Variants in HMGCLL1 observed in about 807,000 individuals in gnomAD.
The protein encoded by HMGCLL1 is 3-hydroxymethyl-3-methylglutaryl-CoA lyase, cytoplasmic.
A neutral mutation model predicts 39.1 loss-of-function variants in HMGCLL1; 36 were observed. That is an observed-to-expected ratio of 0.92 (90% CI 0.71 to 1.22). The LOEUF (loss-of-function observed/expected upper bound fraction) is 1.22, where lower values mean the gene tolerates loss of function less well. HMGCLL1 is among the 50% of genes most tolerant of loss of function. HMGCLL1 has a pLI of 0.00. For missense variants in HMGCLL1, 451 were observed against 416.5 expected (o/e 1.08, Z -0.72); for synonymous variants, 149 against 144.0 (o/e 1.03, Z -0.25).
chr6:55,493,776 A>G (rs1275732000), intron 7 of HMGCLL1, among the ~76,000 whole-genome samples: 1 of 151,394 alleles, frequency 6.6e-6, no homozygotes, highest in East Asian at 1.9e-4. Flanking sequence ...TCTGTCGCCC[A>G]GGCTGCAGTG....
chr6:55,580,299 A>T (rs924456140), upstream of HMGCLL1, among the ~76,000 whole-genome samples: 1 of 151,970 alleles, frequency 6.6e-6, no homozygotes, highest in Non-Finnish European at 1.5e-5. Context: ...TGGAAGAGAA[A>T]TCGTGTAGAT....
the HMGCLL1 span, among the ~76,000 whole-genome samples, chr6:55,610,002 A>C: frequency 6.6e-6 from 1 of 152,226 alleles, no homozygotes; most frequent in Non-Finnish European, 1.5e-5. Context: ...AACCAAAAAA[A>C]GTCTTCACAA....
intron 1 of HMGCLL1, among the ~76,000 whole-genome samples, chr6:55,543,452 G>A (rs74207406): frequency 0.71 from 59,767 of 84,294 alleles, 20,053 homozygotes; most frequent in Admixed American, 0.78. Flanking sequence ...TGATATATAT[G>A]ATATATATCA....
chr6:55,608,342 GATGA>G, the HMGCLL1 span, among the ~76,000 whole-genome samples: 1 of 152,140 alleles, frequency 6.6e-6, no homozygotes, highest in East Asian at 1.9e-4. Context: ...GAGTTTACAG[GATGA>G]ATAAGTCAGT....
At chr6:55,661,914 T>C in the HMGCLL1 span, among the ~76,000 whole-genome samples, 1 of 152,086 alleles carries the variant, frequency 6.6e-6, no homozygotes, top group East Asian at 1.9e-4. Flanking sequence ...TAGTTCTCCT[T>C]GTAGAGCTCT....
At position 55,542,064 on chromosome 6, in the gene HMGCLL1, T is replaced by C; in HGVS notation, c.185A>G (p.Glu62Gly). ...AAGTAAATGATGTAAAACTACCTTT[T>C]CATTCTGCAATCCATCCCTAGGCCC... ...EVGPRDGLQN[E>G]KVIVPTDIKI... Residue 62 changes from glutamate to glycine, a missense_variant, in exon 2 of 9, where the codon GAA becomes GGA. Physicochemically the swap from Glu to Gly is moderately conservative, Grantham distance 98. Coordinates refer to ENST00000274901, the MANE Select transcript of HMGCLL1 (RefSeq NM_001042406.2). 1.9e-6 allele frequency: 3 copies of C among 1,592,124 alleles called. No homozygotes were observed. The highest frequency in any genetic ancestry group is 2.6e-6 in the Non-Finnish European group (3 of 1,161,928).
chr6:55,637,774 C>A, the HMGCLL1 span, among the ~76,000 whole-genome samples: 1 of 148,560 alleles, frequency 6.7e-6, no homozygotes, highest in African/African-American at 2.5e-5. Flanking sequence ...GTGTGTTTCC[C>A]ATCAGCATTA....
the HMGCLL1 span, among the ~76,000 whole-genome samples, chr6:55,631,420 A>G: frequency 4.5e-4 from 68 of 152,216 alleles, no homozygotes; most frequent in African/African-American, 1.5e-3. Flanking sequence ...ATTATAACCC[A>G]GGAACATTTT....
intron 1 of HMGCLL1, among the ~76,000 whole-genome samples, chr6:55,573,352 C>T (rs1056011007): frequency 6.6e-6 from 1 of 152,060 alleles, no homozygotes; most frequent in African/African-American, 2.4e-5. Context: ...ATTTCGTAGG[C>T]ATACCAGGAA....
At chr6:55,580,401 T>C (rs1197094435), upstream of HMGCLL1, among the ~76,000 whole-genome samples, 1 of 133,418 alleles carries the variant, frequency 7.5e-6, no homozygotes, top group Non-Finnish European at 1.6e-5. Flanking sequence ...TTTTCTTTTT[T>C]CTTTCTTTTT....
At chr6:55,654,104 A>G in the HMGCLL1 span, among the ~76,000 whole-genome samples, 1 of 151,950 alleles carries the variant, frequency 6.6e-6, no homozygotes, top group Non-Finnish European at 1.5e-5. Context: ...GTAAATGCCA[A>G]CAACATAAGG....
chr6:55,593,444 T>A, the HMGCLL1 span, among the ~76,000 whole-genome samples: 1 of 152,140 alleles, frequency 6.6e-6, no homozygotes, highest in Non-Finnish European at 1.5e-5. Context: ...TACCTCTCCA[T>A]CTGAACTGCG....
At chr6:55,628,484 A>G in the HMGCLL1 span, among the ~76,000 whole-genome samples, 1 of 151,172 alleles carries the variant, frequency 6.6e-6, no homozygotes, top group African/African-American at 2.4e-5. Context: ...TGTATTTTTT[A>G]GTAGAGATGG....
chr6:55,533,225 TTATTA>T (rs1227688762), intron 3 of HMGCLL1, among the ~76,000 whole-genome samples: 4 of 151,870 alleles, frequency 2.6e-5, no homozygotes, highest in Admixed American at 6.6e-5. Context: ...AGAATATTTA[TTATTA>T]TATTATTTTA....
At chr6:55,595,594 A>G in the HMGCLL1 span, among the ~76,000 whole-genome samples, 1 of 152,208 alleles carries the variant, frequency 6.6e-6, no homozygotes, top group African/African-American at 2.4e-5. Context: ...AATTCAGTTA[A>G]AAGTCCAATA....
the HMGCLL1 span, among the ~76,000 whole-genome samples, chr6:55,628,557 G>C: frequency 6.6e-6 from 1 of 151,786 alleles, no homozygotes; most frequent in Admixed American, 6.6e-5. Context: ...GCCCACCTCG[G>C]CCTCTTTCAG....
In HMGCLL1 at chr6:55,500,644, G is replaced by T. The variant is rs113049279; in HGVS notation, c.543-1345C>A. 4.3e-3 allele frequency among the ~76,000 whole-genome samples: 657 copies of T among 151,990 alleles called. 5 individuals are homozygous for T. The highest frequency in any genetic ancestry group is 0.015 in the African/African-American group (604 of 41,502). On this transcript the variant is annotated intron_variant, in intron 5 of 8. Transcript: ENST00000274901. The stretch of plus-strand genomic sequence containing the variant: ...AAAGAGGATAAATTCAAGTAAAATT[G>T]GAAAGTTATGCCAGACAGGAAGCTC...
chr6:55,509,355 G>T (rs974843778), intron 5 of HMGCLL1, among the ~76,000 whole-genome samples: 9 of 151,772 alleles, frequency 5.9e-5, no homozygotes, highest in Non-Finnish European at 1.3e-4. Context: ...AGAAATGCTA[G>T]CTACTAGTCA....
the HMGCLL1 span, among the ~76,000 whole-genome samples, chr6:55,634,940 A>G: frequency 2.0e-5 from 3 of 152,174 alleles, no homozygotes; most frequent in Non-Finnish European, 2.9e-5. Flanking sequence ...ACAGCTTATT[A>G]TTGGTTAAGG....
Sources: gnomAD v4.1 joint callset for allele counts (sites outside exome capture counted in the v4.1 genomes callset) on GRCh38, gnomAD v4.1.1 for gene constraint, MANE v1.5 for transcripts, NCBI Gene and HGNC (gene_info 2026-07-23, HGNC 2026-07-21) for gene names.